RAPH1: variants seen among roughly 807,000 people sequenced by gnomAD.
RAPH1 encodes Ras association (RalGDS/AF-6) and pleckstrin homology domains 1.
In RAPH1, 18 loss-of-function variants were observed where a neutral mutation model predicts 88.1. The ratio of observed to expected loss-of-function variants is 0.20; its 90% CI spans 0.14 to 0.30. The LOEUF is 0.30. Among genes scored for constraint, RAPH1 ranks in the 10% least tolerant of loss-of-function variants. The probability of loss-of-function intolerance (pLI) is 1.00; values close to 1 mark genes in which losing one functional copy is unlikely to be tolerated. For synonymous variants in RAPH1, 587 were observed against 559.0 expected, an observed-to-expected ratio of 1.05 and a Z score of -0.71; for missense variants, 1,448 against 1,543.2, an observed-to-expected ratio of 0.94 and a Z score of 1.03.
rs563074978 is a variant in RAPH1, at chr2:203,436,878, A to C, written c.*2559T>G. 6.6e-6 allele frequency: 1 copy of C among 152,372 alleles called. No individual in the cohort carries two copies. Among genetic ancestry groups the C allele is most frequent in the South Asian group, 2.1e-4 (1 of 4,834 alleles). 9.4% of individuals were successfully genotyped at this position (152,372 alleles called of 1,614,324 possible). A position where few individuals can be genotyped will look rare whatever the true frequency, so the allele number is the denominator to read the frequency against. On this transcript the variant is annotated 3_prime_UTR_variant, in exon 14 of 14. Coordinates refer to ENST00000319170, the MANE Select transcript of RAPH1 (RefSeq NM_213589.3). Reference sequence around the variant, plus strand: ...AATTAAAGAAAACCCACTAGGGAGTAAAACAGAAGTATAAAGTATCACTTT... The same window carrying C: ...AATTAAAGAAAACCCACTAGGGAGTCAAACAGAAGTATAAAGTATCACTTT...
At chr2:203,457,665 T>C (rs1240610664) in intron 7 of RAPH1, 70 bp from the exon 8 acceptor site, 81 of 1,108,094 alleles carry the variant, frequency 7.3e-5, no homozygotes, top group African/African-American at 3.1e-5. Flanking sequence ...AAATCCATTC[T>C]GTTATTCCCT....
Position 203,490,087 on chromosome 2 carries a change from C to A in RAPH1, c.229G>T (p.Ala77Ser). The change falls in exon 4 of 14, where the codon GCT (alanine) becomes TCT (serine). Residue 77 changes from alanine (A) to serine (S), a missense_variant and splice_region_variant. Physicochemically the swap from Ala to Ser is moderately conservative, Grantham distance 99 (BLOSUM62 1). Coordinates refer to ENST00000319170, the MANE Select transcript of RAPH1 (RefSeq NM_213589.3). ...YRFSIYNLNE[A>S]LNQGETVDLD... ...TCCACAGTCTCTCCCTGATTCAGAG[C>A]TTCTGCAATGAACAACACATAATGT... 2 of 1,601,256 alleles carry A rather than the reference C, an allele frequency of 1.2e-6. No homozygotes were observed. Among genetic ancestry groups the A allele is most frequent in the Non-Finnish European group, 1.7e-6 (2 of 1,173,536 alleles).
At position 203,448,038 on chromosome 2, in the gene RAPH1, C is replaced by A; in HGVS notation, c.1554G>T (p.Lys518Asn). 1 of 1,613,862 alleles carries A rather than the reference C, an allele frequency of 6.2e-7. No individual in the cohort carries two copies. Among genetic ancestry groups the A allele is most frequent in the Non-Finnish European group, 8.5e-7 (1 of 1,179,832 alleles). Residue 518 changes from lysine (K) to asparagine (N), a missense_variant, in exon 12 of 14, where the codon AAG becomes AAT. By Grantham distance (94) the Lys-to-Asn change is moderately conservative (BLOSUM62 0). This residue lies in a region of RAPH1 where 513 missense variants were observed against 653.1 expected (regional missense o/e 0.79). Coordinates refer to ENST00000319170, the MANE Select transcript of RAPH1 (RefSeq NM_213589.3). The surrounding 1 kb of genome is among the most constrained non-coding windows in gnomAD (Gnocchi z 4.1). ...TCCAATCATAGGCTGACTCTGTCCT[C>A]TTCAAGGCTTCTTGGTAGTTCATAT... ...QLYMNYQEALKRTESAYDWTS... is the reference protein window; with the variant it reads ...QLYMNYQEALNRTESAYDWTS...
intron 1 of RAPH1, among the ~76,000 whole-genome samples, chr2:203,504,192 C>T (rs966655427): frequency 1.3e-5 from 2 of 152,236 alleles, no homozygotes; most frequent in African/African-American, 4.8e-5. Flanking sequence ...GGGGCCCCAA[C>T]CCCACATTTC....
At chr2:203,502,865 C>T (rs993335953) in intron 1 of RAPH1, among the ~76,000 whole-genome samples, 7 of 147,192 alleles carry the variant, frequency 4.8e-5, no homozygotes, top group Non-Finnish European at 9.0e-5. Flanking sequence ...TGAACCAGGC[C>T]GGGCACAGTG....
chr2:203,502,723 G>A (rs546573905), intron 1 of RAPH1, among the ~76,000 whole-genome samples: 1 of 151,746 alleles, frequency 6.6e-6, no homozygotes, highest in South Asian at 2.1e-4. Flanking sequence ...GGGAGGCTGA[G>A]GCAGAAGAAT....
chr2:203,504,400 G>T (rs1688884035), intron 1 of RAPH1, among the ~76,000 whole-genome samples: 1 of 152,218 alleles, frequency 6.6e-6, no homozygotes, highest in South Asian at 2.1e-4. Flanking sequence ...ACCCTCTGAA[G>T]CCACAGCCTG....
chr2:203,484,481 G>A (rs917242201), intron 4 of RAPH1, among the ~76,000 whole-genome samples: 1 of 151,918 alleles, frequency 6.6e-6, no homozygotes, highest in African/African-American at 2.4e-5. Context: ...AACCAAAAAT[G>A]TTGCATATAC....
At chr2:203,506,793 T>C (rs1395926095) in intron 1 of RAPH1, among the ~76,000 whole-genome samples, 1 of 126,060 alleles carries the variant, frequency 7.9e-6, no homozygotes, top group Non-Finnish European at 1.6e-5. Context: ...GATATATATA[T>C]CTATATATAT....
intron 1 of RAPH1, among the ~76,000 whole-genome samples, chr2:203,526,679 C>A (rs566099188): frequency 1.3e-4 from 15 of 113,934 alleles, no homozygotes; most frequent in African/African-American, 5.0e-4. Context: ...GAGCCTACTG[C>A]AGTGAGATAG....
chr2:203,499,332 G>C (rs1188995864), intron 1 of RAPH1, among the ~76,000 whole-genome samples: 1 of 151,912 alleles, frequency 6.6e-6, no homozygotes, highest in Admixed American at 6.6e-5. Flanking sequence ...CAGAAATTTT[G>C]AAAGTATCTA....
intron 3 of RAPH1, among the ~76,000 whole-genome samples, 159 bp downstream of exon 3, chr2:203,491,055 A>C (rs930096585): frequency 6.6e-6 from 1 of 151,770 alleles, no homozygotes; most frequent in East Asian, 1.9e-4. Flanking sequence ...AAAAAAAAAA[A>C]AAAAAGAAAA....
At chr2:203,491,103 T>TA in intron 3 of RAPH1, 111 bp downstream of exon 3, 1 of 588,516 alleles carries the variant, frequency 1.7e-6, no homozygotes, top group Non-Finnish European at 2.9e-6. Flanking sequence ...TTGGTCGAGT[T>TA]ATGCATGTAG....
At chr2:203,479,558 A>T (rs909257392) in intron 4 of RAPH1, among the ~76,000 whole-genome samples, 1 of 151,558 alleles carries the variant, frequency 6.6e-6, no homozygotes, top group African/African-American at 2.4e-5. Context: ...CAGTGAGCCG[A>T]GATGGCGCCA....
chr2:203,526,851 C>T (rs181067090), intron 1 of RAPH1, among the ~76,000 whole-genome samples: 14 of 149,936 alleles, frequency 9.3e-5, no homozygotes, highest in African/African-American at 3.5e-4. Flanking sequence ...ATGGTGCGAT[C>T]TCAGCTCCTG....
intron 4 of RAPH1, among the ~76,000 whole-genome samples, chr2:203,471,590 C>T (rs1455834958): frequency 3.3e-5 from 5 of 150,834 alleles, no homozygotes; most frequent in African/African-American, 4.9e-5. Flanking sequence ...CTAGCCTGGG[C>T]GACAAGTGAA....
At chr2:203,471,081 T>A (rs1300194007) in intron 4 of RAPH1, among the ~76,000 whole-genome samples, 1 of 152,214 alleles carries the variant, frequency 6.6e-6, no homozygotes, top group African/African-American at 2.4e-5. Context: ...GATAAGTTAA[T>A]ACAATTGTAT....
At chr2:203,484,436 C>T (rs766618141) in intron 4 of RAPH1, among the ~76,000 whole-genome samples, 5 of 152,212 alleles carry the variant, frequency 3.3e-5, no homozygotes, top group Non-Finnish European at 7.3e-5. Flanking sequence ...CCTCTACCCA[C>T]TAGATGCCAG....
chr2:203,451,738 TCTC>T (rs1183706080), intron 10 of RAPH1, among the ~76,000 whole-genome samples: 2 of 152,184 alleles, frequency 1.3e-5, no homozygotes, highest in Non-Finnish European at 2.9e-5. Flanking sequence ...CCTATGGCTA[TCTC>T]CTCCTCCCCA....
Sources: gnomAD v4.1 joint callset for allele counts (sites outside exome capture counted in the v4.1 genomes callset) on GRCh38, gnomAD v4.1.1 for gene constraint, gnomAD v4.1.1 regional missense constraint, Gnocchi (gnomAD v3.1) non-coding constraint, MANE v1.5 for transcripts, NCBI Gene and HGNC (gene_info 2026-07-23, HGNC 2026-07-21) for gene names.